The following MARCHF4 variants were observed in gnomAD, a reference collection of about 807,000 sequenced individuals.
MARCHF4 encodes E3 ubiquitin-protein ligase MARCHF4.
A neutral mutation model predicts 43.9 loss-of-function variants in MARCHF4; 14 were observed. The observed-to-expected ratio is 0.32, with a 90% CI of 0.21 to 0.50. The LOEUF is 0.50. Among genes scored for constraint, MARCHF4 ranks in the 20% least tolerant of loss-of-function variants. MARCHF4 has a pLI of 0.98. For missense variants in MARCHF4, 468 were observed against 536.7 expected, an observed-to-expected ratio of 0.87 and a Z score of 1.27; for synonymous variants, 226 against 213.3, an observed-to-expected ratio of 1.06 and a Z score of -0.52.
At chr2:216,300,358 A>ATATGTG (rs200684939) in intron 1 of MARCHF4, among the ~76,000 whole-genome samples, 1 of 143,328 alleles carries the variant, frequency 7.0e-6, no homozygotes. Flanking sequence ...ATGTATATAT[A>ATATGTG]TATATATATA....
chr2:216,295,217 A>G (rs1157410400), intron 1 of MARCHF4, among the ~76,000 whole-genome samples: 3 of 152,204 alleles, frequency 2.0e-5, no homozygotes, highest in African/African-American at 4.8e-5. Context: ...CCAGGTGCTC[A>G]TGAGGATTCA....
chr2:216,354,948 TTTCTTTCTTTC>T (rs1559106657), intron 1 of MARCHF4, among the ~76,000 whole-genome samples: 1 of 144,408 alleles, frequency 6.9e-6, no homozygotes, highest in Non-Finnish European at 1.5e-5. Context: ...TCTTTCTTTC[TTTCTTTCTTTC>T]TTTCTTTCTT....
intron 3 of MARCHF4, among the ~76,000 whole-genome samples, chr2:216,269,375 C>T (rs1690897104): frequency 6.7e-6 from 1 of 149,428 alleles, no homozygotes; most frequent in Admixed American, 7.2e-5. Flanking sequence ...AGGACAGCGT[C>T]ATTAGAGATG....
intron 2 of MARCHF4, among the ~76,000 whole-genome samples, chr2:216,281,603 C>T (rs207816): frequency 0.36 from 55,372 of 152,132 alleles, 10,777 homozygotes; most frequent in African/African-American, 0.47. Context: ...TGTTGCTGGG[C>T]CTGAGGAGCA....
intron 3 of MARCHF4, among the ~76,000 whole-genome samples, chr2:216,273,413 A>G (rs1468420466): frequency 6.6e-6 from 1 of 152,082 alleles, no homozygotes; most frequent in Admixed American, 6.6e-5. Flanking sequence ...GGCTAGACTC[A>G]TTTTCTTTTC....
chr2:216,299,510 T>G (rs1318996417), intron 1 of MARCHF4, among the ~76,000 whole-genome samples: 2 of 152,212 alleles, frequency 1.3e-5, no homozygotes, highest in Non-Finnish European at 2.9e-5. Flanking sequence ...TCTTCCCCAA[T>G]AAGACTCTTG....
intron 1 of MARCHF4, among the ~76,000 whole-genome samples, chr2:216,310,932 A>T (rs1427025188): frequency 6.6e-6 from 1 of 152,142 alleles, no homozygotes; most frequent in East Asian, 1.9e-4. Context: ...ATCACAAGTG[A>T]TGGGAAGGAG....
At chr2:216,356,918 G>C (rs1254266079) in intron 1 of MARCHF4, among the ~76,000 whole-genome samples, 1 of 152,024 alleles carries the variant, frequency 6.6e-6, no homozygotes, top group Non-Finnish European at 1.5e-5. Context: ...AGCTACTAGG[G>C]AGGCTGATGG....
At position 216,271,137 on chromosome 2, in the gene MARCHF4, C is replaced by T. The variant is rs146906051; in HGVS notation, c.865+6535G>A. Among the ~76,000 whole-genome samples the T allele has an allele frequency of 1.6e-4, 24 of 152,324 alleles. 1 individual carries two copies. The East Asian group carries it at 4.6e-3, about 29-fold the overall frequency. On this transcript the variant is annotated intron_variant, in intron 3 of 3. Coordinates refer to ENST00000273067, the MANE Select transcript of MARCHF4 (RefSeq NM_020814.3). ...GTGGGGTCAAATCTGAGTGGCTTAGCATATGACCCATGACTCTGTGGGATT... is the reference window on the plus strand; with the variant it reads ...GTGGGGTCAAATCTGAGTGGCTTAGTATATGACCCATGACTCTGTGGGATT...
chr2:216,316,998 C>T (rs773710467), intron 1 of MARCHF4, among the ~76,000 whole-genome samples: 1 of 152,122 alleles, frequency 6.6e-6, no homozygotes, highest in Non-Finnish European at 1.5e-5. Flanking sequence ...AGGGGGACTG[C>T]CTGCAAGGGA....
intron 1 of MARCHF4, among the ~76,000 whole-genome samples, chr2:216,294,443 C>T (rs1012442102): frequency 6.6e-6 from 1 of 152,258 alleles, no homozygotes; most frequent in African/African-American, 2.4e-5. Context: ...AGTTACACTT[C>T]ACTAATGTTC....
intron 2 of MARCHF4, among the ~76,000 whole-genome samples, chr2:216,280,217 G>T (rs916741238): frequency 2.0e-5 from 3 of 151,940 alleles, no homozygotes; most frequent in African/African-American, 7.3e-5. Context: ...GCTGGGAGGG[G>T]GAGAAGGACA....
In MARCHF4 at chr2:216,259,401, G is replaced by A. The variant is rs760524363; in HGVS notation, c.1144C>T (p.Leu382=). 1.9e-5 allele frequency: 31 copies of A among 1,612,156 alleles called. No homozygotes were observed. Among genetic ancestry groups the A allele is most frequent in the Middle Eastern group, 1.6e-4 (1 of 6,070 alleles). ...LSHHHCAYTI[L]HILSHLRPHE... ...GGTCTCAAGTGACTCAGGATGTGCAGGATGGTATAAGCACAGTGGTGATGG... is the reference window on the plus strand; with the variant it reads ...GGTCTCAAGTGACTCAGGATGTGCAAGATGGTATAAGCACAGTGGTGATGG... The change falls in exon 4 of 4, where the codon CTG becomes TTG. Residue 382 remains leucine, a synonymous_variant. Coordinates refer to ENST00000273067, the MANE Select transcript of MARCHF4 (RefSeq NM_020814.3).
At chr2:216,366,172 T>C (rs1276929320) in intron 1 of MARCHF4, among the ~76,000 whole-genome samples, 2 of 152,244 alleles carry the variant, frequency 1.3e-5, no homozygotes, top group Non-Finnish European at 2.9e-5. Context: ...AATAATCTTA[T>C]GACATGGGGA....
chr2:216,302,449 T>C (rs1691506396), intron 1 of MARCHF4, among the ~76,000 whole-genome samples: 1 of 151,388 alleles, frequency 6.6e-6, no homozygotes, highest in Non-Finnish European at 1.5e-5. Context: ...AGGATGGTAT[T>C]TATCTCCTGA....
chr2:216,285,616 C>T (rs1013582761), intron 1 of MARCHF4, among the ~76,000 whole-genome samples: 10 of 152,212 alleles, frequency 6.6e-5, no homozygotes, highest in Non-Finnish European at 1.0e-4. Flanking sequence ...GGTAGGCAGC[C>T]ACCTCCTGGA....
chr2:216,367,381 T>C (rs982707611), intron 1 of MARCHF4, among the ~76,000 whole-genome samples: 3 of 151,728 alleles, frequency 2.0e-5, no homozygotes, highest in African/African-American at 7.3e-5. Context: ...GTTGCCTCTC[T>C]ATCTCTCTCT....
At position 216,267,197 on chromosome 2, in the gene MARCHF4, A is replaced by G. The variant is rs181296138; in HGVS notation, c.866-7518T>C. ...TATAAAGTTGCCACTGAGAAGTTAC[A>G]TTTTCTAGCTTTTTGCACCAAGGTG... On this transcript the variant is annotated intron_variant, in intron 3 of 3. Transcript: ENST00000273067. Among the ~76,000 whole-genome samples, 10 of 152,312 alleles carry G rather than the reference A, an allele frequency of 6.6e-5. No homozygotes were observed. The East Asian group carries it at 1.9e-3, about 29-fold the overall frequency.
At chr2:216,280,373 A>G (rs901296992) in intron 2 of MARCHF4, among the ~76,000 whole-genome samples, 3 of 152,110 alleles carry the variant, frequency 2.0e-5, no homozygotes, top group Non-Finnish European at 4.4e-5. Flanking sequence ...GCCTTAGAAC[A>G]GGAAGGGGCA....
Sources: allele counts gnomAD v4.1 joint callset (sites outside exome capture counted in the v4.1 genomes callset), GRCh38; gene constraint gnomAD v4.1.1; transcripts MANE v1.5; gene names NCBI Gene and HGNC (gene_info 2026-07-23, HGNC 2026-07-21).